Variants in GABRG1 observed in about 807,000 individuals in gnomAD.
GABRG1 encodes gamma-aminobutyric acid type A receptor subunit gamma1.
GABRG1 carries 49 observed loss-of-function variants against 49.8 expected under a neutral mutation model. The observed-to-expected ratio is 0.98, with a 90% CI of 0.78 to 1.25. The LOEUF (loss-of-function observed/expected upper bound fraction) is 1.25. GABRG1 is among the 50% of genes most tolerant of loss of function. The pLI is 0.00. For missense variants in GABRG1, 552 were observed against 552.3 expected (o/e 1.00, Z 0.01); for synonymous variants, 232 against 185.1 (o/e 1.25, Z -2.06).
chr4:46,106,039 C>T (rs1720537077), intron 1 of GABRG1, among the ~76,000 whole-genome samples: 1 of 151,010 alleles, frequency 6.6e-6, no homozygotes, highest in African/African-American at 2.4e-5. Flanking sequence ...TGACCACCTA[C>T]TGAACTACAC....
intron 5 of GABRG1, among the ~76,000 whole-genome samples, chr4:46,063,249 C>T (rs78264722): frequency 0.054 from 8,245 of 151,836 alleles, 362 homozygotes; most frequent in African/African-American, 0.11. Flanking sequence ...GGAGGCATCA[C>T]GCTACCTGAC....
chr4:46,042,141 T>A (rs979893936), intron 8 of GABRG1, among the ~76,000 whole-genome samples: 2 of 151,924 alleles, frequency 1.3e-5, no homozygotes, highest in African/African-American at 4.8e-5. Flanking sequence ...TATAAAACAC[T>A]AAGCAAAATA....
intron 3 of GABRG1, among the ~76,000 whole-genome samples, chr4:46,081,378 G>GT (rs1719561295): frequency 6.6e-6 from 1 of 151,692 alleles, no homozygotes; most frequent in African/African-American, 2.4e-5. Flanking sequence ...ATATTTTCTT[G>GT]CACTAATGTG....
At chr4:46,055,966 AG>A in intron 7 of GABRG1, among the ~76,000 whole-genome samples, 1 of 12,980 alleles carries the variant, frequency 7.7e-5, no homozygotes, top group East Asian at 1.6e-3. Flanking sequence ...GGTCGGGGGG[AG>A]GGGGGAGGGA....
chr4:46,112,180 C>G (rs1336653782), intron 1 of GABRG1, among the ~76,000 whole-genome samples: 1 of 151,060 alleles, frequency 6.6e-6, no homozygotes, highest in African/African-American at 2.4e-5. Context: ...TAGGAAAATA[C>G]ATGAACAGAC....
At chr4:46,110,525 T>C (rs1471375086) in intron 1 of GABRG1, among the ~76,000 whole-genome samples, 1 of 150,744 alleles carries the variant, frequency 6.6e-6, no homozygotes, top group African/African-American at 2.4e-5. Context: ...ACCACCCTAA[T>C]ACCAAAACCC....
At chr4:46,059,580 T>G (rs1169683757) in intron 5 of GABRG1, among the ~76,000 whole-genome samples, 2 of 151,962 alleles carry the variant, frequency 1.3e-5, no homozygotes, top group African/African-American at 4.8e-5. Context: ...ATTTTCTTTT[T>G]ATTTTTATCT....
At chr4:46,065,794 CT>C (rs1252171668) in intron 3 of GABRG1, among the ~76,000 whole-genome samples, 3 of 152,072 alleles carry the variant, frequency 2.0e-5, no homozygotes, top group Non-Finnish European at 4.4e-5. Flanking sequence ...GCAATCTCGG[CT>C]CACCGCAAGC....
chr4:46,066,636 G>A (rs1218943119), intron 3 of GABRG1, among the ~76,000 whole-genome samples: 3 of 152,048 alleles, frequency 2.0e-5, no homozygotes, highest in Non-Finnish European at 4.4e-5. Flanking sequence ...GGGTTCCAAG[G>A]TTAGAGCAAA....
intron 3 of GABRG1, among the ~76,000 whole-genome samples, chr4:46,079,643 T>C (rs542097905): frequency 6.6e-6 from 1 of 151,882 alleles, no homozygotes; most frequent in Non-Finnish European, 1.5e-5. Flanking sequence ...ATACCTGGAA[T>C]TTTTAGTGGT....
intron 8 of GABRG1, among the ~76,000 whole-genome samples, chr4:46,048,522 C>A (rs1718090648): frequency 6.7e-6 from 1 of 148,826 alleles, no homozygotes; most frequent in South Asian, 2.1e-4. Context: ...AATGGTTACT[C>A]TATCTATTGA....
Position 46,051,530 on chromosome 4 carries a change from A to G in GABRG1, c.1025T>C (p.Ile342Thr). The G allele has an allele frequency of 6.2e-7, 1 of 1,611,876 alleles. No homozygotes were observed. Among genetic ancestry groups the G allele is most frequent in the South Asian group, 1.1e-5 (1 of 91,034 alleles). Residue 342 changes from isoleucine to threonine, a missense_variant, in exon 8 of 9, where the codon ATT becomes ACT. Ile to Thr is a moderately conservative substitution (Grantham distance 89, BLOSUM62 -1). Coordinates refer to ENST00000295452, the MANE Select transcript of GABRG1 (RefSeq NM_173536.4). Reference protein sequence around the residue: ...AMDLFVSVCFIFVFAALMEYG... With the variant: ...AMDLFVSVCFTFVFAALMEYG... ...TTCCATCAAGGCTGCAAAAACAAAAATGAAACAAACAGAAACAAAGAGATC... is the reference window on the plus strand; with the variant it reads ...TTCCATCAAGGCTGCAAAAACAAAAGTGAAACAAACAGAAACAAAGAGATC...
intron 8 of GABRG1, among the ~76,000 whole-genome samples, chr4:46,042,352 T>C (rs1339974306): frequency 6.6e-6 from 1 of 151,998 alleles, no homozygotes; most frequent in Non-Finnish European, 1.5e-5. Flanking sequence ...ATGACTCCTT[T>C]AATAAGCTGG....
intron 2 of GABRG1, among the ~76,000 whole-genome samples, chr4:46,089,376 G>A (rs1719898041): frequency 6.6e-6 from 1 of 152,034 alleles, no homozygotes; most frequent in African/African-American, 2.4e-5. Flanking sequence ...ACAAGACTAA[G>A]GTTGCAACTA....
rs1158428456 is a variant in GABRG1 at position 46,035,784 on chromosome 4, C to G, written c.*5204G>C. ...AAAGACACAATTTAAGAGAATGTGA[C>G]TCTTTATTTATAACAAGTTACTGGT... On this transcript the variant is annotated 3_prime_UTR_variant, in exon 9 of 9. Coordinates refer to ENST00000295452, the MANE Select transcript of GABRG1 (RefSeq NM_173536.4). The G allele has an allele frequency of 6.6e-6, 1 of 151,862 alleles. No individual in the cohort carries two copies. Among genetic ancestry groups the G allele is most frequent in the Non-Finnish European group, 1.5e-5 (1 of 67,868 alleles). The allele number at this position is 151,862 out of a possible 1,614,324, so 9.4% of individuals were successfully genotyped here.
intron 1 of GABRG1, among the ~76,000 whole-genome samples, chr4:46,123,239 A>G (rs551169967): frequency 6.6e-6 from 1 of 151,958 alleles, no homozygotes; most frequent in South Asian, 2.1e-4. Context: ...TTAAATATAC[A>G]CGGTCAGTTT....
intron 2 of GABRG1, among the ~76,000 whole-genome samples, chr4:46,093,270 C>T (rs948249793): frequency 3.3e-5 from 5 of 151,690 alleles, no homozygotes; most frequent in African/African-American, 1.2e-4. Flanking sequence ...ACCATTCACC[C>T]ACAAAAAAAA....
chr4:46,066,018 G>C (rs565385085), intron 3 of GABRG1, among the ~76,000 whole-genome samples: 102 of 152,212 alleles, frequency 6.7e-4, no homozygotes, highest in African/African-American at 2.3e-3. Flanking sequence ...CACCGCACAC[G>C]GCCTAAACTT....
chr4:46,078,656 A>G (rs1719448593), intron 3 of GABRG1, among the ~76,000 whole-genome samples: 1 of 151,982 alleles, frequency 6.6e-6, no homozygotes, highest in Non-Finnish European at 1.5e-5. Context: ...GCTTAAATAC[A>G]AGTTATATGT....
Sources: allele counts gnomAD v4.1 joint callset (sites outside exome capture counted in the v4.1 genomes callset), GRCh38; gene constraint gnomAD v4.1.1; transcripts MANE v1.5; gene names NCBI Gene and HGNC (gene_info 2026-07-23, HGNC 2026-07-21).